The following ZFP64 variants were observed in gnomAD, a reference collection of about 807,000 sequenced individuals.
ZFP64 encodes the protein ZFP64 zinc finger protein.
ZFP64 carries 14 observed loss-of-function variants against 51.6 expected under a neutral mutation model. The observed-to-expected ratio is 0.27, with a 90% CI of 0.18 to 0.42. The LOEUF (loss-of-function observed/expected upper bound fraction) is 0.42. ZFP64 is among the 10% of genes least tolerant of loss of function. The probability of loss-of-function intolerance (pLI) is 1.00; values close to 1 mark genes in which losing one functional copy is unlikely to be tolerated. For missense variants in ZFP64, 754 were observed against 906.8 expected (o/e 0.83, Z 2.16); for synonymous variants, 375 against 361.4 (o/e 1.04, Z -0.43).
intron 2 of ZFP64, among the ~76,000 whole-genome samples, chr20:52,175,716 C>T (rs1983139120): frequency 6.6e-6 from 1 of 152,028 alleles, no homozygotes; most frequent in Non-Finnish European, 1.5e-5. Context: ...TGGTGGTGGG[C>T]GCCTGGAATC....
At chr20:52,105,796 T>G (rs1978310326) in intron 5 of ZFP64, among the ~76,000 whole-genome samples, 1 of 151,890 alleles carries the variant, frequency 6.6e-6, no homozygotes. Context: ...AGGCTGCGCT[T>G]TTAGATTCGG....
chr20:52,136,750 C>T (rs1384609507), intron 5 of ZFP64, among the ~76,000 whole-genome samples: 1 of 152,000 alleles, frequency 6.6e-6, no homozygotes, highest in Non-Finnish European at 1.5e-5. Flanking sequence ...ATATATGTTG[C>T]TTTGGTCAAA....
intron 5 of ZFP64, among the ~76,000 whole-genome samples, chr20:52,108,418 A>G (rs1208424811): frequency 6.6e-6 from 1 of 152,200 alleles, no homozygotes; most frequent in Non-Finnish European, 1.5e-5. Flanking sequence ...ATATAATGAC[A>G]ACTGATTAGT....
At chr20:52,175,739 G>A (rs1327206310) in intron 2 of ZFP64, among the ~76,000 whole-genome samples, 2 of 152,156 alleles carry the variant, frequency 1.3e-5, no homozygotes, top group South Asian at 4.1e-4. Context: ...AGGCACGTGG[G>A]AGGCTGAGGC....
intron 5 of ZFP64, among the ~76,000 whole-genome samples, chr20:52,114,548 T>C (rs188721893): frequency 6.6e-6 from 1 of 152,218 alleles, no homozygotes; most frequent in African/African-American, 2.4e-5. Context: ...GTAAAGCCTG[T>C]TCCCACTGTT....
At chr20:52,105,174 G>T in intron 5 of ZFP64, 1 of 1,439,904 alleles carries the variant, frequency 6.9e-7, no homozygotes, top group Non-Finnish European at 9.0e-7. Flanking sequence ...GCACACTCCC[G>T]GCGCGCAGGC....
At chr20:52,095,148 A>G (rs1401072422) in intron 7 of ZFP64, among the ~76,000 whole-genome samples, 1 of 152,222 alleles carries the variant, frequency 6.6e-6, no homozygotes, top group Non-Finnish European at 1.5e-5. Flanking sequence ...ACACACGCTG[A>G]CCTTTCCCCT....
intron 1 of ZFP64, among the ~76,000 whole-genome samples, chr20:52,190,959 A>C: frequency 6.6e-6 from 1 of 152,052 alleles, no homozygotes; most frequent in Non-Finnish European, 1.5e-5. Context: ...GGCTGGTTGC[A>C]CTCAGTCTCT....
chr20:52,124,713 G>T (rs1490160599), intron 5 of ZFP64, among the ~76,000 whole-genome samples: 1 of 151,566 alleles, frequency 6.6e-6, no homozygotes, highest in Non-Finnish European at 1.5e-5. Context: ...AGGCTCGGTT[G>T]CTCCTGCCTC....
chr20:52,137,674 A>C (rs1230645684), intron 5 of ZFP64, among the ~76,000 whole-genome samples: 1 of 152,160 alleles, frequency 6.6e-6, no homozygotes, highest in African/African-American at 2.4e-5. Flanking sequence ...TAAGAGACAT[A>C]CCATAGGGCA....
intron 2 of ZFP64, among the ~76,000 whole-genome samples, chr20:52,179,251 C>T (rs1983449138): frequency 6.6e-6 from 1 of 152,182 alleles, no homozygotes; most frequent in Admixed American, 6.5e-5. Flanking sequence ...GAGACCTCCC[C>T]AGCCATGTGG....
intron 6 of ZFP64, among the ~76,000 whole-genome samples, chr20:52,098,215 G>A (rs1213031447): frequency 6.6e-6 from 1 of 151,842 alleles, no homozygotes; most frequent in African/African-American, 2.4e-5. Flanking sequence ...TAACCTCAGG[G>A]TGGAAGCTAC....
intron 5 of ZFP64, among the ~76,000 whole-genome samples, chr20:52,114,191 C>T (rs1000409990): frequency 1.3e-5 from 2 of 152,122 alleles, no homozygotes; most frequent in Admixed American, 6.5e-5. Flanking sequence ...AATGTTAGTT[C>T]AAGTAAACGG....
At chr20:52,168,932 C>T (rs1019548785) in intron 2 of ZFP64, among the ~76,000 whole-genome samples, 1 of 152,214 alleles carries the variant, frequency 6.6e-6, no homozygotes, top group African/African-American at 2.4e-5. Flanking sequence ...TTCACATGCA[C>T]AGCAAGGTAA....
chr20:52,160,414 G>T lies in ZFP64; in HGVS notation c.512-40C>A. 1 of 1,556,294 alleles carries T rather than the reference G, an allele frequency of 6.4e-7. No homozygotes were observed. Among genetic ancestry groups the T allele is most frequent in the Non-Finnish European group, 8.7e-7 (1 of 1,153,016 alleles). ...ACACACAGATGGCAGCAGGAAACAA[G>T]ATTAAAAAAGGAAAAGGCTTATTTC... On this transcript the variant is annotated intron_variant, in intron 4 of 5. Transcript: ENST00000216923. This position sits in a 1 kb window ranked among gnomAD's most constrained non-coding sequence, Gnocchi z 4.2.
intron 5 of ZFP64, among the ~76,000 whole-genome samples, chr20:52,129,199 A>C (rs542657909): frequency 1.1e-3 from 165 of 151,522 alleles, no homozygotes; most frequent in Non-Finnish European, 1.9e-3. Context: ...CTCCCGCCTC[A>C]GCTTCCCAAG....
chr20:52,134,028 C>CA (rs59218544), intron 5 of ZFP64, among the ~76,000 whole-genome samples: 2,231 of 96,110 alleles, frequency 0.023, 31 homozygotes, highest in African/African-American at 0.036. Context: ...GATCCTGTCT[C>CA]AAAAAAAAAA....
At chr20:52,117,921 G>A (rs1392658416) in intron 5 of ZFP64, among the ~76,000 whole-genome samples, 1 of 151,714 alleles carries the variant, frequency 6.6e-6, no homozygotes, top group African/African-American at 2.4e-5. Context: ...TCAGCTTCCT[G>A]CGTAGCTGGA....
Position 52,191,520 on chromosome 20 carries a change from C to A in ZFP64, c.46+71G>T, listed in dbSNP as rs1332511353. On this transcript the variant is annotated intron_variant, in intron 1 of 5. Coordinates refer to ENST00000216923, the MANE Select transcript of ZFP64 (RefSeq NM_018197.3). This position sits in a 1 kb window ranked among gnomAD's most constrained non-coding sequence, Gnocchi z 4.3. Reference sequence around the variant, plus strand: ...CCGGGCCTGCTGGCTGCGTCGCAGACGTGCTTGGGCCCGGGCCCCGGAGCG... The same window carrying A: ...CCGGGCCTGCTGGCTGCGTCGCAGAAGTGCTTGGGCCCGGGCCCCGGAGCG... 1.2e-5 allele frequency: 18 copies of A among 1,461,848 alleles called. No individual in the cohort carries two copies. Among genetic ancestry groups the A allele is most frequent in the Non-Finnish European group, 1.6e-5 (18 of 1,106,128 alleles). The allele number at this position is 1,461,848 out of a possible 1,614,324, so 90.6% of individuals were successfully genotyped here. A position where few individuals can be genotyped will look rare whatever the true frequency, so the allele number is the denominator to read the frequency against.
Sources: gnomAD v4.1 joint callset for allele counts (sites outside exome capture counted in the v4.1 genomes callset) on GRCh38, gnomAD v4.1.1 for gene constraint, Gnocchi (gnomAD v3.1) non-coding constraint, MANE v1.5 for transcripts, NCBI Gene and HGNC (gene_info 2026-07-23, HGNC 2026-07-21) for gene names.